The following BLM variants were observed in gnomAD, a reference collection of about 807,000 sequenced individuals.
BLM encodes recQ-like DNA helicase BLM.
A neutral mutation model predicts 135.3 loss-of-function variants in BLM; 95 were observed. The ratio of observed to expected loss-of-function variants is 0.70; its 90% confidence interval spans 0.59 to 0.83. BLM has a LOEUF of 0.83. BLM is among the 40% of genes least tolerant of loss of function. BLM has a pLI of 0.00. For synonymous variants in BLM, 520 were observed against 589.2 expected (o/e 0.88, Z 1.70); for missense variants, 1,518 against 1,663.9 (o/e 0.91, Z 1.53).
intron 1 of BLM, among the ~76,000 whole-genome samples, chr15:90,741,843 T>C (rs1567031501): frequency 6.6e-6 from 1 of 152,196 alleles, no homozygotes; most frequent in Admixed American, 6.5e-5. Flanking sequence ...AGAACAATAT[T>C]GTTTTTGCTG....
intron 21 of BLM, among the ~76,000 whole-genome samples, chr15:90,814,680 T>A (rs1165312191): frequency 2.0e-5 from 3 of 152,160 alleles, no homozygotes; most frequent in Non-Finnish European, 2.9e-5. Context: ...GCAAGTCCAG[T>A]CATTCCGGGG....
intron 1 of BLM, among the ~76,000 whole-genome samples, chr15:90,742,291 T>C (rs1165836511): frequency 2.6e-5 from 4 of 152,080 alleles, no homozygotes; most frequent in African/African-American, 9.7e-5. Flanking sequence ...GAACAGTCAC[T>C]GAGTGAGGCT....
At chr15:90,724,945 G>A (rs12439095) in intron 1 of BLM, among the ~76,000 whole-genome samples, 3 of 152,156 alleles carry the variant, frequency 2.0e-5, no homozygotes, top group Admixed American at 1.3e-4. Flanking sequence ...GTCTCACTCT[G>A]TCGCCCAGGC....
chr15:90,763,510 G>A (rs28385023), intron 8 of BLM, among the ~76,000 whole-genome samples: 11,979 of 152,156 alleles, frequency 0.079, 785 homozygotes, highest in African/African-American at 0.18. Flanking sequence ...CAACAATCTG[G>A]TGTTGCATAG....
intron 1 of BLM, among the ~76,000 whole-genome samples, chr15:90,739,935 T>C (rs1195216201): frequency 2.0e-5 from 3 of 152,034 alleles, no homozygotes; most frequent in South Asian, 2.1e-4. Context: ...GGCTAATCTT[T>C]TGTATTTTTT....
rs1308085427 is a variant in BLM at position 90,743,023 on chromosome 15, CAG to C, written c.-4-4365_-4-4364del. Among the ~76,000 whole-genome samples the C allele has an allele frequency of 8.5e-5, 12 of 141,044 alleles. No individual in the cohort carries two copies. In the East Asian group the frequency reaches 2.2e-3, roughly 26 times the overall value. 92.5% of individuals were successfully genotyped at this position (141,044 alleles called of 152,430 possible). A position where few individuals can be genotyped will look rare whatever the true frequency, so the allele number is the denominator to read the frequency against. On this transcript the variant is annotated intron_variant, in intron 1 of 21. Transcript: ENST00000355112. ...CTTTTTTTTTTTTTTTTTTTAAACA[CAG>C]GGTCTCACTGTCACCCCAGCTGGAG...
At chr15:90,751,578 G>A (rs542362351) in intron 3 of BLM, among the ~76,000 whole-genome samples, 16 of 152,300 alleles carry the variant, frequency 1.1e-4, no homozygotes, top group African/African-American at 1.2e-4. Flanking sequence ...GGCCTCAGTC[G>A]AGCATTCACT....
At chr15:90,767,169 A>G (rs1239279698) in intron 10 of BLM, 146 bp downstream of exon 10, 4 of 577,590 alleles carry the variant, frequency 6.9e-6, no homozygotes, top group South Asian at 4.9e-5. Flanking sequence ...ACATTTTACT[A>G]TAATTGCTTT....
At position 90,790,009 on chromosome 15, in the gene BLM, T is replaced by G. The variant is rs923745651; in HGVS notation, c.2824-640T>G. Among the ~76,000 whole-genome samples the G allele has an allele frequency of 3.1e-4, 41 of 131,482 alleles. 1 individual carries two copies. The highest frequency in any genetic ancestry group is 1.2e-3 in the African/African-American group (39 of 33,660). 86.3% of individuals were successfully genotyped at this position (131,482 alleles called of 152,430 possible). ...GGTGTTTTTTTTTTTTTTTTTTTTTTTTTTTTTTTTTTTTGGTATAAGTAG... is the reference window on the plus strand; with the variant it reads ...GGTGTTTTTTTTTTTTTTTTTTTTTGTTTTTTTTTTTTTTGGTATAAGTAG... On this transcript the variant is annotated intron_variant, in intron 14 of 21. Coordinates refer to ENST00000355112, the MANE Select transcript of BLM (RefSeq NM_000057.4).
intron 12 of BLM, among the ~76,000 whole-genome samples, chr15:90,780,379 G>A (rs550066372): frequency 9.2e-5 from 14 of 152,208 alleles, no homozygotes; most frequent in Admixed American, 7.2e-4. Context: ...CACCGCGCCC[G>A]TCCAGGATGT....
At chr15:90,747,237 CAAAAAAAAAAAAA>C (rs59331923) in intron 1 of BLM, among the ~76,000 whole-genome samples, 139 bp from the exon 2 acceptor site, 6 of 39,256 alleles carry the variant, frequency 1.5e-4, no homozygotes, top group East Asian at 8.7e-4. Flanking sequence ...GTCTATTGAC[CAAAAAAAAAAAAA>C]AAAAAAAAAA....
chr15:90,770,294 C>T (rs1216495850), intron 12 of BLM, among the ~76,000 whole-genome samples: 2 of 151,618 alleles, frequency 1.3e-5, no homozygotes, highest in Non-Finnish European at 1.5e-5. Flanking sequence ...CCCACCTTAG[C>T]CTCCCGAGTA....
rs142928725 is a variant in BLM at position 90,804,200 on chromosome 15, G to A, written c.3592G>A (p.Val1198Met). 1.6e-4 allele frequency: 259 copies of A among 1,614,072 alleles called. No individual in the cohort carries two copies. In the African/African-American group the frequency reaches 3.2e-3, roughly 20 times the overall value. ...DFMETENSSS[V>M]KKQKALVAKV... is the part of the protein sequence containing the mutation. ...TATGGAAACAGAAAATTCCAGCAGTGTGAAAAAACAAAAAGCGTTAGTAGC... is the reference window on the plus strand; with the variant it reads ...TATGGAAACAGAAAATTCCAGCAGTATGAAAAAACAAAAAGCGTTAGTAGC... Residue 1198 changes from valine to methionine, a missense_variant, in exon 19 of 22, where the codon GTG becomes ATG. Val to Met is a conservative substitution (Grantham distance 21). This residue lies in a region of BLM where 626 missense variants were observed against 681.1 expected (regional missense o/e 0.92). Transcript: ENST00000355112.
chr15:90,730,397 C>A (rs1472432349), intron 1 of BLM, among the ~76,000 whole-genome samples: 1 of 152,128 alleles, frequency 6.6e-6, no homozygotes, highest in African/African-American at 2.4e-5. Context: ...TGTATTCTCT[C>A]TGTCAGGTTA....
Position 90,758,754 on chromosome 15 carries a change from A to T in BLM, c.1088-1393A>T, listed in dbSNP as rs1189177230. ...TCTTTATAAGGTGACAGAAATGGCC[A>T]CCAGAATCATATTAAGCTTGGAAAA... On this transcript the variant is annotated intron_variant, in intron 5 of 21. Coordinates refer to ENST00000355112, the MANE Select transcript of BLM (RefSeq NM_000057.4). Among the ~76,000 whole-genome samples, 3 of 152,308 alleles carry T rather than the reference A, an allele frequency of 2.0e-5. No individual in the cohort carries two copies. The East Asian group carries it at 5.8e-4, about 29-fold the overall frequency.
chr15:90,814,951 C>A (rs1372119608), intron 21 of BLM, 151 bp from the exon 22 acceptor site: 3 of 718,624 alleles, frequency 4.2e-6, no homozygotes, highest in Non-Finnish European at 4.6e-6. Context: ...GTAAAGGAAA[C>A]TTACCTTACC....
At chr15:90,799,139 T>C (rs1356389685) in intron 17 of BLM, among the ~76,000 whole-genome samples, 1 of 151,428 alleles carries the variant, frequency 6.6e-6, no homozygotes, top group Non-Finnish European at 1.5e-5. Context: ...CACTCCAGCC[T>C]GGCAACAGAG....
chr15:90,783,660 G>A (rs1023677078), intron 13 of BLM, among the ~76,000 whole-genome samples: 15 of 152,172 alleles, frequency 9.9e-5, no homozygotes, highest in African/African-American at 3.6e-4. Flanking sequence ...AGCATTTTGG[G>A]AGGCCGAGGT....
At chr15:90,732,614 C>T (rs1895097453) in intron 1 of BLM, among the ~76,000 whole-genome samples, 1 of 146,784 alleles carries the variant, frequency 6.8e-6, no homozygotes, top group South Asian at 2.1e-4. Context: ...AGGTAAGGCA[C>T]TAGTCAGGGG....
Sources: gnomAD v4.1 joint callset for allele counts (sites outside exome capture counted in the v4.1 genomes callset) on GRCh38, gnomAD v4.1.1 for gene constraint, gnomAD v4.1.1 regional missense constraint, MANE v1.5 for transcripts, NCBI Gene and HGNC (gene_info 2026-07-23, HGNC 2026-07-21) for gene names.